DRC11: variants seen among roughly 807,000 people sequenced by gnomAD.
DRC11 encodes the protein dynein regulatory complex subunit 11, also known as IQ and AAA domain-containing protein 1.
chr2:236,440,852 G>GA, the DRC11 span, among the ~76,000 whole-genome samples: 7 of 149,532 alleles, frequency 4.7e-5, no homozygotes, highest in Non-Finnish European at 5.9e-5. Flanking sequence ...GGTAAGACGG[G>GA]AAAAAAAAAT....
At chr2:236,357,524 A>G in the DRC11 span, among the ~76,000 whole-genome samples, 145 of 126,774 alleles carry the variant, frequency 1.1e-3, no homozygotes, top group Non-Finnish European at 1.9e-3. Flanking sequence ...ATATATTTAT[A>G]TATTATGAAT....
At chr2:236,500,674 T>C in the DRC11 span, among the ~76,000 whole-genome samples, 3 of 152,206 alleles carry the variant, frequency 2.0e-5, no homozygotes, top group Non-Finnish European at 4.4e-5. This position sits in a 1 kb window ranked among gnomAD's most constrained non-coding sequence, Gnocchi z 6.3. Context: ...ATTCTCGCAT[T>C]GCTATACAGA....
chr2:236,339,836 G>A, the DRC11 span, among the ~76,000 whole-genome samples: 21 of 152,324 alleles, frequency 1.4e-4, no homozygotes, highest in African/African-American at 4.8e-4. Context: ...ATTGGGACAT[G>A]TGAGTCCCCC....
chr2:236,459,624 C>CGTATATATGTAT, the DRC11 span, among the ~76,000 whole-genome samples: 1 of 82,648 alleles, frequency 1.2e-5, no homozygotes, highest in African/African-American at 4.5e-5. Flanking sequence ...TAAGTATATA[C>CGTATATATGTAT]ATACGTATAT....
At chr2:236,506,490 T>C in the DRC11 span, among the ~76,000 whole-genome samples, 1 of 152,206 alleles carries the variant, frequency 6.6e-6, no homozygotes, top group Non-Finnish European at 1.5e-5. This position sits in a 1 kb window ranked among gnomAD's most constrained non-coding sequence, Gnocchi z 4.9. Context: ...CTGCTCTTAT[T>C]TCCTTGCCTA....
At chr2:236,431,299 C>T in the DRC11 span, among the ~76,000 whole-genome samples, 1 of 152,156 alleles carries the variant, frequency 6.6e-6, no homozygotes, top group Admixed American at 6.5e-5. This position sits in a 1 kb window ranked among gnomAD's most constrained non-coding sequence, Gnocchi z 4.2. Flanking sequence ...ACTCACAGTT[C>T]CACATGGCTG....
chr2:236,363,373 G>A, the DRC11 span, among the ~76,000 whole-genome samples: 30 of 152,322 alleles, frequency 2.0e-4, no homozygotes, highest in African/African-American at 7.0e-4. This position sits in a 1 kb window ranked among gnomAD's most constrained non-coding sequence, Gnocchi z 5.6. Context: ...ACCTGTGTGA[G>A]GAGTGCACAG....
At chr2:236,503,481 TG>T in the DRC11 span, 1 of 794,812 alleles carries the variant, frequency 1.3e-6, no homozygotes. This position sits in a 1 kb window ranked among gnomAD's most constrained non-coding sequence, Gnocchi z 4.9. Context: ...AAGACAGTCC[TG>T]GTGGCTTGAG....
the DRC11 span, among the ~76,000 whole-genome samples, chr2:236,335,820 G>A: frequency 6.6e-6 from 1 of 152,164 alleles, no homozygotes; most frequent in African/African-American, 2.4e-5. The surrounding 1 kb of genome is among the most constrained non-coding windows in gnomAD (Gnocchi z 5.6). Flanking sequence ...TAAGGCCAGG[G>A]GTGTGGAACC....
the DRC11 span, among the ~76,000 whole-genome samples, chr2:236,382,955 C>T: frequency 6.6e-6 from 1 of 152,064 alleles, no homozygotes; most frequent in Non-Finnish European, 1.5e-5. Context: ...CATAATTTTC[C>T]ATATTAACAT....
chr2:236,428,924 A>T, the DRC11 span, among the ~76,000 whole-genome samples: 2 of 152,146 alleles, frequency 1.3e-5, no homozygotes, highest in East Asian at 3.8e-4. Context: ...TAATTCATGG[A>T]TCTCCAATTC....
chr2:236,336,326 C>T, the DRC11 span, among the ~76,000 whole-genome samples: 1 of 152,066 alleles, frequency 6.6e-6, no homozygotes, highest in South Asian at 2.1e-4. This position sits in a 1 kb window ranked among gnomAD's most constrained non-coding sequence, Gnocchi z 7.3. Flanking sequence ...ACCGTATATG[C>T]CCTCTGCTTT....
At chr2:236,316,177 T>TC in the DRC11 span, among the ~76,000 whole-genome samples, 4 of 131,846 alleles carry the variant, frequency 3.0e-5, no homozygotes, top group African/African-American at 7.0e-5. This position sits in a 1 kb window ranked among gnomAD's most constrained non-coding sequence, Gnocchi z 6.8. Flanking sequence ...CTCTCTCTCT[T>TC]TTTGAGATGG....
At chr2:236,405,287 G>A in the DRC11 span, among the ~76,000 whole-genome samples, 1 of 151,930 alleles carries the variant, frequency 6.6e-6, no homozygotes, top group Admixed American at 6.6e-5. This position sits in a 1 kb window ranked among gnomAD's most constrained non-coding sequence, Gnocchi z 4.6. Context: ...GAGGAGAAGT[G>A]CGTTCTCACC....
the DRC11 span, chr2:236,391,970 A>G: frequency 1.2e-6 from 2 of 1,612,374 alleles, no homozygotes; most frequent in East Asian, 2.2e-5. This position sits in a 1 kb window ranked among gnomAD's most constrained non-coding sequence, Gnocchi z 4.5. Flanking sequence ...CTCCTTCCCC[A>G]CTCACCTTGT....
the DRC11 span, among the ~76,000 whole-genome samples, chr2:236,466,127 T>C: frequency 6.6e-6 from 1 of 152,108 alleles, no homozygotes; most frequent in African/African-American, 2.4e-5. Context: ...TTCTGTTGGA[T>C]TTATGTAGTT....
the DRC11 span, chr2:236,380,572 T>C: frequency 3.9e-6 from 6 of 1,551,226 alleles, no homozygotes; most frequent in East Asian, 1.5e-4. The surrounding 1 kb of genome is among the most constrained non-coding windows in gnomAD (Gnocchi z 4.9). Context: ...TCCTCACCTG[T>C]CAGCTGTCAG....
chr2:236,400,453 G>A, the DRC11 span, among the ~76,000 whole-genome samples: 54 of 152,318 alleles, frequency 3.5e-4, no homozygotes, highest in Non-Finnish European at 7.1e-4. The surrounding 1 kb of genome is among the most constrained non-coding windows in gnomAD (Gnocchi z 7.9). Context: ...GTTCACCTGC[G>A]CCTAATAGTG....
chr2:236,465,666 C>G, the DRC11 span: 2 of 1,613,132 alleles, frequency 1.2e-6, no homozygotes, highest in South Asian at 2.2e-5. This position sits in a 1 kb window ranked among gnomAD's most constrained non-coding sequence, Gnocchi z 6.2. Context: ...CCTTTTCAGC[C>G]TGGATTACTG....
Sources: gnomAD v4.1 joint callset for allele counts (sites outside exome capture counted in the v4.1 genomes callset) on GRCh38, gnomAD v4.1.1 for gene constraint, Gnocchi (gnomAD v3.1) non-coding constraint, MANE v1.5 for transcripts, NCBI Gene and HGNC (gene_info 2026-07-23, HGNC 2026-07-21) for gene names.